RUSF1: variants seen among roughly 807,000 people sequenced by gnomAD.
RUSF1 encodes RUS1 family protein C16orf58.
Under a neutral mutation model 63.0 loss-of-function variants are expected in RUSF1, and 58 were observed. That is an observed-to-expected ratio of 0.92 (90% CI 0.75 to 1.15). The LOEUF (loss-of-function observed/expected upper bound fraction) is 1.15. Among genes scored for constraint, RUSF1 ranks in the 50% most tolerant of loss-of-function variants. The probability of loss-of-function intolerance (pLI) is 0.00; values close to 1 mark genes in which losing one functional copy is unlikely to be tolerated. For synonymous variants in RUSF1, 274 were observed against 255.8 expected (o/e 1.07, Z -0.68); for missense variants, 652 against 611.0 (o/e 1.07, Z -0.71).
At position 31,490,103 on chromosome 16, in the gene RUSF1, G is replaced by A; in HGVS notation, c.*732C>T. On this transcript the variant is annotated 3_prime_UTR_variant, in exon 13 of 13. Transcript: ENST00000327237. ...CTCGTTCGTGCTCCCACCCTCCCCA[G>A]CTCCACCGCCTGGTCTTCAGTCTCC... 12 of 1,613,686 alleles carry A rather than the reference G, an allele frequency of 7.4e-6. No homozygotes were observed. The highest frequency in any genetic ancestry group is 1.0e-5 in the Non-Finnish European group (12 of 1,180,000).
In RUSF1 at chr16:31,507,894, A is replaced by C; in HGVS notation, c.301-16T>G. On this transcript the variant is annotated splice_polypyrimidine_tract_variant and intron_variant, in intron 1 of 12. Coordinates refer to ENST00000327237, the MANE Select transcript of RUSF1 (RefSeq NM_022744.4). ...AAGCAAACGCCTGGAGAAGAAAACA[A>C]GTAGGGTGAGAAGCGGGCGTAGGAG... The C allele has an allele frequency of 1.9e-6, 3 of 1,552,338 alleles. No homozygotes were observed. Among genetic ancestry groups the C allele is most frequent in the Non-Finnish European group, 2.6e-6 (3 of 1,147,128 alleles).
Position 31,492,976 on chromosome 16 carries a change from A to G in RUSF1, c.1087+2T>C. 6.2e-7 allele frequency: 1 copy of G among 1,607,340 alleles called. No individual in the cohort carries two copies. Among genetic ancestry groups the G allele is most frequent in the Non-Finnish European group, 8.5e-7 (1 of 1,175,266 alleles). On this transcript the variant is annotated splice_donor_variant, in intron 10 of 12. Coordinates refer to ENST00000327237, the MANE Select transcript of RUSF1 (RefSeq NM_022744.4). LOFTEE classifies it high-confidence loss of function. ...TAGGCTGGGAGAATGAGGCACACTC[A>G]CTTTGTGACTGGTCCCAGCAGAGGA...
At position 31,493,719 on chromosome 16, in the gene RUSF1, G is replaced by T. The variant is rs367769107; in HGVS notation, c.842C>A (p.Ala281Asp). 3 of 1,614,258 alleles carry T rather than the reference G, an allele frequency of 1.9e-6. No individual in the cohort carries two copies. Among genetic ancestry groups the T allele is most frequent in the Non-Finnish European group, 2.5e-6 (3 of 1,180,050 alleles). Residue 281 changes from alanine to aspartate, a missense_variant, in exon 8 of 13, where the codon GCC becomes GAC. Physicochemically the swap from Ala to Asp is moderately radical, Grantham distance 126. Coordinates refer to ENST00000327237, the MANE Select transcript of RUSF1 (RefSeq NM_022744.4). ...HIYANYRAVR[A>D]LVMETLNEGR... ...TTCGTTCAAGGTCTCCATGACCAGG[G>T]CTCGGACCGCGCGGTAGTTGGCGTA...
rs2082558865 is a variant in RUSF1, at chr16:31,490,674, G to C, written c.*161C>G. On this transcript the variant is annotated 3_prime_UTR_variant, in exon 13 of 13. Transcript: ENST00000327237. ...CCTTCTCCCGGCCTTCCTCTGCCTG[G>C]GGCCCACTGCATCTGATTGGCAGTC... 2 of 1,077,806 alleles carry C rather than the reference G, an allele frequency of 1.9e-6. No homozygotes were observed. The highest frequency in any genetic ancestry group is 2.0e-5 in the Admixed American group (1 of 51,214). 66.8% of individuals were successfully genotyped at this position (1,077,806 alleles called of 1,614,324 possible). A position where few individuals can be genotyped will look rare whatever the true frequency, so the allele number is the denominator to read the frequency against.
At chr16:31,493,432 C>T (rs1232124783) in intron 9 of RUSF1, 35 bp downstream of exon 9, 29 of 1,564,876 alleles carry the variant, frequency 1.9e-5, no homozygotes, top group Middle Eastern at 1.7e-4. Context: ...GTGTGGGTGG[C>T]GGTGGTGACG....
At chr16:31,499,655 G>A in intron 3 of RUSF1, 130 bp from the exon 4 acceptor site, 1 of 829,168 alleles carries the variant, frequency 1.2e-6, no homozygotes, top group Non-Finnish European at 1.8e-6. Context: ...ACAGACATCT[G>A]TCCCCACAGC....
chr16:31,502,217 C>T (rs181130597), intron 2 of RUSF1, among the ~76,000 whole-genome samples: 2 of 152,240 alleles, frequency 1.3e-5, no homozygotes, highest in Admixed American at 1.3e-4. Flanking sequence ...AGAAAGGACA[C>T]TACGTTATGG....
At position 31,493,538 on chromosome 16, in the gene RUSF1, G is replaced by A. The variant is rs753256973; in HGVS notation, c.959-14C>T. On this transcript the variant is annotated splice_polypyrimidine_tract_variant and intron_variant, in intron 8 of 12. Coordinates refer to ENST00000327237, the MANE Select transcript of RUSF1 (RefSeq NM_022744.4). The stretch of plus-strand genomic sequence containing the variant: ...CTGGCCAGAAACCTGTGGGAAGCTG[G>A]GGTCAGGATGCCTAGGCAGTGGGAG... 2.5e-6 allele frequency: 4 copies of A among 1,614,120 alleles called. No individual in the cohort carries two copies. The highest frequency in any genetic ancestry group is 1.7e-5 in the Admixed American group (1 of 59,998).
rs2082588969 is a variant in RUSF1, at chr16:31,493,906, C to A, written c.733G>T (p.Val245Phe). The A allele has an allele frequency of 1.2e-6, 2 of 1,614,158 alleles. No individual in the cohort carries two copies. The highest frequency in any genetic ancestry group is 1.7e-5 in the Admixed American group (1 of 60,024). ...ACCAGAGGGAGCATCAGGAGGCTGA[C>A]CAAGAGCCCCGCCAGGTTCACCAGC... is the stretch of plus-strand genomic sequence containing the variant. ...ETLVNLAGLL[V>F]SLLMLPLVSG... Residue 245 changes from valine to phenylalanine, a missense_variant, in exon 7 of 13, where the codon GTC becomes TTC. By Grantham distance (50) the Val-to-Phe change is conservative. Coordinates refer to ENST00000327237, the MANE Select transcript of RUSF1 (RefSeq NM_022744.4).
At chr16:31,499,261 G>C in intron 5 of RUSF1, 41 bp downstream of exon 5, 1 of 1,530,396 alleles carries the variant, frequency 6.5e-7, no homozygotes. Context: ...CACTACCAAG[G>C]CAGGTGTTTT....
Position 31,490,621 on chromosome 16 carries a change from G to C in RUSF1, c.*214C>G, listed in dbSNP as rs1017605901. 2 of 1,246,882 alleles carry C rather than the reference G, an allele frequency of 1.6e-6. No homozygotes were observed. Among genetic ancestry groups the C allele is most frequent in the Non-Finnish European group, 2.3e-6 (2 of 870,032 alleles). The allele number at this position is 1,246,882 out of a possible 1,614,324, so 77.2% of individuals were successfully genotyped here. A position where few individuals can be genotyped will look rare whatever the true frequency, so the allele number is the denominator to read the frequency against. ...CGGTGCTCCCCAGAAAAGGGGAAGG[G>C]GCAGTGGGGTGAGAAGGTCCTGGCT... is the stretch of plus-strand genomic sequence containing the variant. On this transcript the variant is annotated 3_prime_UTR_variant, in exon 13 of 13. Coordinates refer to ENST00000327237, the MANE Select transcript of RUSF1 (RefSeq NM_022744.4).
At chr16:31,498,580 C>A (rs1227764723) in intron 5 of RUSF1, among the ~76,000 whole-genome samples, 2 of 152,182 alleles carry the variant, frequency 1.3e-5, no homozygotes, top group African/African-American at 4.8e-5. Context: ...CTTTACTGAA[C>A]CATGCCAGGC....
In RUSF1 at chr16:31,490,857, G is replaced by A; in HGVS notation, c.1385C>T (p.Ser462Phe). The A allele has an allele frequency of 1.2e-6, 2 of 1,614,202 alleles. No individual in the cohort carries two copies. The highest frequency in any genetic ancestry group is 1.7e-6 in the Non-Finnish European group (2 of 1,180,036). ...VDEWRATWLLSPEKKVL is the reference protein window; with the variant it reads ...VDEWRATWLLFPEKKVL ...TGCTCACAAGACCTTCTTTTCGGGA[G>A]ACAGAAGCCATGTGGCCCTCCACTC... is the stretch of plus-strand genomic sequence containing the variant. Residue 462 changes from serine to phenylalanine, a missense_variant, in exon 13 of 13, where the codon TCT becomes TTT. By Grantham distance (155) the Ser-to-Phe change is radical. Coordinates refer to ENST00000327237, the MANE Select transcript of RUSF1 (RefSeq NM_022744.4).
chr16:31,490,725 C>G lies in RUSF1; in HGVS notation c.*110G>C. 7.7e-7 allele frequency: 1 copy of G among 1,303,314 alleles called. No homozygotes were observed. Among genetic ancestry groups the G allele is most frequent in the Non-Finnish European group, 1.1e-6 (1 of 908,780 alleles). The allele number at this position is 1,303,314 out of a possible 1,614,324, so 80.7% of individuals were successfully genotyped here. The stretch of plus-strand genomic sequence containing the variant: ...ACTTCCCATGAGGGCCTGGCCCACC[C>G]GCTGCAGTTGCCCTAAGGAAAAATA... On this transcript the variant is annotated 3_prime_UTR_variant, in exon 13 of 13. Transcript: ENST00000327237.
chr16:31,500,645 G>A, intron 3 of RUSF1, 41 bp downstream of exon 3: 1 of 1,597,866 alleles, frequency 6.3e-7, no homozygotes, highest in South Asian at 1.1e-5. Flanking sequence ...ACCACTACTG[G>A]GAAGAGTTGC....
chr16:31,504,657 C>T (rs2082649225), intron 2 of RUSF1, among the ~76,000 whole-genome samples: 1 of 152,166 alleles, frequency 6.6e-6, no homozygotes, highest in Non-Finnish European at 1.5e-5. Flanking sequence ...CACGATGCCA[C>T]CAGTAGAAAC....
intron 2 of RUSF1, among the ~76,000 whole-genome samples, chr16:31,505,109 C>T: frequency 6.6e-6 from 1 of 152,114 alleles, no homozygotes; most frequent in Admixed American, 6.6e-5. Context: ...CAGCCCGACA[C>T]CTGTAAAGGG....
rs1295758972 is a variant in RUSF1, at chr16:31,499,209, T to C, written c.600+93A>G. 42 of 1,144,858 alleles carry C rather than the reference T, an allele frequency of 3.7e-5. No homozygotes were observed. In the East Asian group the frequency reaches 9.2e-4, roughly 25 times the overall value. The allele number at this position is 1,144,858 out of a possible 1,614,324, so 70.9% of individuals were successfully genotyped here. A position where few individuals can be genotyped will look rare whatever the true frequency, so the allele number is the denominator to read the frequency against. On this transcript the variant is annotated intron_variant, in intron 5 of 12. Transcript: ENST00000327237. ...AAACATCTGAACTTTCTTATTCTTC[T>C]TGAAGTGGCAGGTAAACTCACAGAG...
At position 31,490,285 on chromosome 16, in the gene RUSF1, C is replaced by A; in HGVS notation, c.*550G>T. ...GAGGAGCTGAGTTCCCGCAAACTAA[C>A]TGCAGGGCCTCAATTTCCCTCAGAG... On this transcript the variant is annotated 3_prime_UTR_variant, in exon 13 of 13. Coordinates refer to ENST00000327237, the MANE Select transcript of RUSF1 (RefSeq NM_022744.4). The A allele has an allele frequency of 1.2e-6, 2 of 1,613,584 alleles. No individual in the cohort carries two copies. The highest frequency in any genetic ancestry group is 8.5e-7 in the Non-Finnish European group (1 of 1,179,788).
Sources: allele counts gnomAD v4.1 joint callset (sites outside exome capture counted in the v4.1 genomes callset), GRCh38; gene constraint gnomAD v4.1.1; transcripts MANE v1.5; gene names NCBI Gene and HGNC (gene_info 2026-07-23, HGNC 2026-07-21).